The following CHRM4 variants were observed in gnomAD, a reference collection of about 807,000 sequenced individuals.
The protein encoded by CHRM4 is muscarinic acetylcholine receptor M4.
CHRM4 carries 5 observed loss-of-function variants against 26.3 expected under a neutral mutation model. The observed-to-expected ratio is 0.19, with a 90% CI of 0.10 to 0.40. The LOEUF is 0.40. CHRM4 is among the 10% of genes least tolerant of loss of function. CHRM4 has a pLI of 1.00. For synonymous variants in CHRM4, 290 were observed against 285.3 expected (o/e 1.02, Z -0.16); for missense variants, 402 against 664.5 (o/e 0.60, Z 4.34).
intron 1 of CHRM4, among the ~76,000 whole-genome samples, chr11:46,389,890 T>A (rs1174537808): frequency 6.6e-6 from 1 of 152,174 alleles, no homozygotes; most frequent in Admixed American, 6.5e-5. Flanking sequence ...CGCTAGTAGC[T>A]GTATGCATGT....
At chr11:46,389,515 T>C (rs943335324) in intron 1 of CHRM4, among the ~76,000 whole-genome samples, 4 of 152,226 alleles carry the variant, frequency 2.6e-5, no homozygotes, top group African/African-American at 9.7e-5. Context: ...GGAATCCAGA[T>C]ACGCCTGGCA....
chr11:46,391,744 C>T lies in CHRM4; in HGVS notation c.-243G>A, dbSNP rs1269296366. 6.7e-6 allele frequency among the ~76,000 whole-genome samples: 1 copy of T among 150,002 alleles called. No homozygotes were observed. The highest frequency in any genetic ancestry group is 1.5e-5 in the Non-Finnish European group (1 of 67,206). ...CGGGGACGGGGTGTCGAGGGGCGGC[C>T]CCTGCTCCGCCCGCAGCTCCCGGCG... On this transcript the variant is annotated 5_prime_UTR_variant, in exon 1 of 2. Coordinates refer to ENST00000682254, the MANE Select transcript of CHRM4 (RefSeq NM_000741.5). This position sits in a 1 kb window ranked among gnomAD's most constrained non-coding sequence, Gnocchi z 6.3.
At position 46,386,481 on chromosome 11, in the gene CHRM4, C is replaced by A; in HGVS notation, c.77G>T (p.Arg26Leu). ...VRLVTSSSHN[R>L]YETVEMVFIA... Reference sequence around the variant, plus strand: ...GAAGACCATTTCCACCGTCTCATAGCGATTGTGGGATGATGACGTGACCAG... The same window carrying A: ...GAAGACCATTTCCACCGTCTCATAGAGATTGTGGGATGATGACGTGACCAG... Residue 26 changes from arginine (R) to leucine (L), a missense_variant, in exon 2 of 2, where the codon CGC (arginine) becomes CTC (leucine). This residue lies in a region of CHRM4 where 92 missense variants were observed against 133.1 expected (regional missense o/e 0.69). Coordinates refer to ENST00000682254, the MANE Select transcript of CHRM4 (RefSeq NM_000741.5). The surrounding 1 kb of genome is among the most constrained non-coding windows in gnomAD (Gnocchi z 5.8). 6.2e-7 allele frequency: 1 copy of A among 1,613,670 alleles called. No homozygotes were observed. The highest frequency in any genetic ancestry group is 1.1e-5 in the South Asian group (1 of 91,082).
At position 46,385,700 on chromosome 11, in the gene CHRM4, G is replaced by C. The variant is rs538912435; in HGVS notation, c.858C>G (p.Pro286=). Residue 286 remains proline (P), a synonymous_variant, in exon 2 of 2, where the codon CCC becomes CCG. Transcript: ENST00000682254. The surrounding 1 kb of genome is among the most constrained non-coding windows in gnomAD (Gnocchi z 6.3). ...CATTGGAAGTGTCCTTATCAGCCAC[G>C]GGGCGCGGTGGCGGTGGCAGCGCTG... ...PPPALPPPPR[P]VADKDTSNES... is the part of the protein sequence containing the mutation. 1.2e-5 allele frequency: 18 copies of C among 1,554,328 alleles called. No individual in the cohort carries two copies. In the Admixed American group the frequency reaches 1.9e-4, roughly 17 times the overall value.
chr11:46,389,645 A>G (rs1234369631), intron 1 of CHRM4, among the ~76,000 whole-genome samples: 2 of 152,102 alleles, frequency 1.3e-5, no homozygotes, highest in African/African-American at 2.4e-5. Context: ...CCCAACTCCA[A>G]TGCGACTGCG....
rs1349341887 is a variant in CHRM4 at position 46,384,369 on chromosome 11, CTCGA to C, written c.*745_*748del. Among the ~76,000 whole-genome samples the C allele has an allele frequency of 6.6e-6, 1 of 152,226 alleles. No individual in the cohort carries two copies. The highest frequency in any genetic ancestry group is 1.5e-5 in the Non-Finnish European group (1 of 68,048). On this transcript the variant is annotated 3_prime_UTR_variant, in exon 2 of 2. Transcript: ENST00000682254. ...GCCATCCACCACAGCCTCACCCTGACTCGATGTGTGACCTGGGACAGCCTTCTAA... is the reference window on the plus strand; with the variant it reads ...GCCATCCACCACAGCCTCACCCTGACTGTGTGACCTGGGACAGCCTTCTAA...
intron 1 of CHRM4, among the ~76,000 whole-genome samples, chr11:46,387,631 A>G (rs969014466): frequency 6.6e-6 from 1 of 152,184 alleles, no homozygotes; most frequent in Non-Finnish European, 1.5e-5. Flanking sequence ...GTAACTTAAG[A>G]GCTCTGGCTG....
rs773708700 is a variant in CHRM4 at position 46,384,181 on chromosome 11, T to C, written c.*937A>G. On this transcript the variant is annotated 3_prime_UTR_variant, in exon 2 of 2. Coordinates refer to ENST00000682254, the MANE Select transcript of CHRM4 (RefSeq NM_000741.5). Reference sequence around the variant, plus strand: ...GGTTCTACCCATGGGGGAGAGCAGATGCGAGGGCTGCGTGCCTACCTCACT... The same window carrying C: ...GGTTCTACCCATGGGGGAGAGCAGACGCGAGGGCTGCGTGCCTACCTCACT... Among the ~76,000 whole-genome samples the C allele has an allele frequency of 9.8e-5, 15 of 152,330 alleles. No individual in the cohort carries two copies. Among genetic ancestry groups the C allele is most frequent in the Non-Finnish European group, 1.9e-4 (13 of 68,020 alleles).
At chr11:46,388,168 A>G (rs912591893) in intron 1 of CHRM4, among the ~76,000 whole-genome samples, 2 of 152,112 alleles carry the variant, frequency 1.3e-5, no homozygotes, top group Non-Finnish European at 1.5e-5. Flanking sequence ...ACGCGGGCCC[A>G]TCACAGCCAC....
rs865844918 is a variant in CHRM4, at chr11:46,391,130, G to C, written c.-30+401C>G. Among the ~76,000 whole-genome samples the C allele has an allele frequency of 6.6e-6, 1 of 151,838 alleles. No individual in the cohort carries two copies. Among genetic ancestry groups the C allele is most frequent in the Non-Finnish European group, 1.5e-5 (1 of 67,912 alleles). On this transcript the variant is annotated intron_variant, in intron 1 of 1. Transcript: ENST00000682254. This position sits in a 1 kb window ranked among gnomAD's most constrained non-coding sequence, Gnocchi z 6.3. ...GGGGAGGGCAGGGGTGTTTTCCGTC[G>C]GGGCTCAAGGTCGTAGATGGAGGAC...
Position 46,386,131 on chromosome 11 carries a change from G to A in CHRM4, c.427C>T (p.Arg143Trp), listed in dbSNP as rs200330011. The A allele has an allele frequency of 2.4e-5, 39 of 1,611,140 alleles. No individual in the cohort carries two copies. Among genetic ancestry groups the A allele is most frequent in the South Asian group, 7.7e-5 (7 of 90,872 alleles). ...CVTKPLTYPARRTTKMAGLMI... is the reference protein window; with the variant it reads ...CVTKPLTYPAWRTTKMAGLMI... Reference sequence around the variant, plus strand: ...AGGCCTGCCATCTTGGTGGTGCGCCGGGCAGGGTAGGTGAGAGGCTTGGTG... The same window carrying A: ...AGGCCTGCCATCTTGGTGGTGCGCCAGGCAGGGTAGGTGAGAGGCTTGGTG... Residue 143 changes from arginine (R) to tryptophan (W), a missense_variant, in exon 2 of 2, where the codon CGG becomes TGG. This residue lies in a region of CHRM4 where 48 missense variants were observed against 129.1 expected (regional missense o/e 0.37). Transcript: ENST00000682254. The surrounding 1 kb of genome is among the most constrained non-coding windows in gnomAD (Gnocchi z 5.8).
At position 46,385,500 on chromosome 11, in the gene CHRM4, C is replaced by T. The variant is rs1347939321; in HGVS notation, c.1058G>A (p.Cys353Tyr). The T allele has an allele frequency of 2.5e-6, 4 of 1,590,496 alleles. No homozygotes were observed. Among genetic ancestry groups the T allele is most frequent in the Non-Finnish European group, 3.4e-6 (4 of 1,161,726 alleles). ...AGGCACAATCTCAATGGCTGTCACA[C>T]ACTCATTGCCTGTCTGCTTCGTCAC... is the stretch of plus-strand genomic sequence containing the variant. The part of the protein sequence containing the change: ...QIVTKQTGNE[C>Y]VTAIEIVPAT... The change falls in exon 2 of 2, where the codon TGT becomes TAT. Residue 353 changes from cysteine to tyrosine, a missense_variant. Around this residue, in one of 5 missense-constraint regions of CHRM4, gnomAD observed 205 missense variants for 244.0 expected, o/e 0.84. Transcript: ENST00000682254. This position sits in a 1 kb window ranked among gnomAD's most constrained non-coding sequence, Gnocchi z 6.3.
At chr11:46,387,524 G>T (rs558381921) in intron 1 of CHRM4, among the ~76,000 whole-genome samples, 1 of 152,296 alleles carries the variant, frequency 6.6e-6, no homozygotes, top group South Asian at 2.1e-4. Context: ...ACTGAGGCAC[G>T]GAGCTGTTAA....
rs553317527 is a variant in CHRM4, at chr11:46,384,549, G to C, written c.*569C>G. Among the ~76,000 whole-genome samples, 1 of 152,114 alleles carries C rather than the reference G, an allele frequency of 6.6e-6. No individual in the cohort carries two copies. Among genetic ancestry groups the C allele is most frequent in the Non-Finnish European group, 1.5e-5 (1 of 67,980 alleles). On this transcript the variant is annotated 3_prime_UTR_variant, in exon 2 of 2. Transcript: ENST00000682254. ...GTGACAAGGGCAGTGCTGCTGGGGCGGGGGGGACCTGGCCTCCATCATACC... is the reference window on the plus strand; with the variant it reads ...GTGACAAGGGCAGTGCTGCTGGGGCCGGGGGGACCTGGCCTCCATCATACC...
chr11:46,387,455 C>T (rs1242632523), intron 1 of CHRM4, among the ~76,000 whole-genome samples: 2 of 152,164 alleles, frequency 1.3e-5, no homozygotes, highest in African/African-American at 4.8e-5. Context: ...CTCATTTCAT[C>T]CTCATAACAA....
rs1347318356 is a variant in CHRM4, at chr11:46,384,170, G to A, written c.*948C>T. 2.0e-5 allele frequency among the ~76,000 whole-genome samples: 3 copies of A among 152,220 alleles called. No homozygotes were observed. Among genetic ancestry groups the A allele is most frequent in the Non-Finnish European group, 2.9e-5 (2 of 68,040 alleles). On this transcript the variant is annotated 3_prime_UTR_variant, in exon 2 of 2. Coordinates refer to ENST00000682254, the MANE Select transcript of CHRM4 (RefSeq NM_000741.5). ...CCAATCAGGAAGGTTCTACCCATGG[G>A]GGAGAGCAGATGCGAGGGCTGCGTG...
chr11:46,386,643 T>A lies in CHRM4; in HGVS notation c.-29-57A>T, dbSNP rs201307577. 2 of 1,504,282 alleles carry A rather than the reference T, an allele frequency of 1.3e-6. No homozygotes were observed. The highest frequency in any genetic ancestry group is 2.7e-5 in the African/African-American group (2 of 72,868). The allele number at this position is 1,504,282 out of a possible 1,614,324, so 93.2% of individuals were successfully genotyped here. On this transcript the variant is annotated intron_variant, in intron 1 of 1. Coordinates refer to ENST00000682254, the MANE Select transcript of CHRM4 (RefSeq NM_000741.5). The surrounding 1 kb of genome is among the most constrained non-coding windows in gnomAD (Gnocchi z 5.8). Reference sequence around the variant, plus strand: ...TACAGGAGGGAATGGGGGAGTCATCTGGAGGTACACTGGATTCAAGGTGAC... The same window carrying A: ...TACAGGAGGGAATGGGGGAGTCATCAGGAGGTACACTGGATTCAAGGTGAC...
rs1379858963 is a variant in CHRM4, at chr11:46,383,883, G to A, written c.*1235C>T. On this transcript the variant is annotated 3_prime_UTR_variant, in exon 2 of 2. Coordinates refer to ENST00000682254, the MANE Select transcript of CHRM4 (RefSeq NM_000741.5). Reference sequence around the variant, plus strand: ...AATGTGTTTGGGAGTGGGAAGGTGGGGAGAAAGACCAGGCTGTAGGGACTG... The same window carrying A: ...AATGTGTTTGGGAGTGGGAAGGTGGAGAGAAAGACCAGGCTGTAGGGACTG... The A allele has an allele frequency of 2.3e-5, 8 of 352,890 alleles. No homozygotes were observed. In the East Asian group the frequency reaches 5.9e-4, roughly 26 times the overall value. 21.9% of individuals were successfully genotyped at this position (352,890 alleles called of 1,614,324 possible). A position where few individuals can be genotyped will look rare whatever the true frequency, so the allele number is the denominator to read the frequency against.
rs373461890 is a variant in CHRM4, at chr11:46,385,232, G to A, written c.1326C>T (p.Cys442=). Residue 442 remains cysteine (C), a synonymous_variant, in exon 2 of 2, where the codon TGC becomes TGT. Coordinates refer to ENST00000682254, the MANE Select transcript of CHRM4 (RefSeq NM_000741.5). This position sits in a 1 kb window ranked among gnomAD's most constrained non-coding sequence, Gnocchi z 6.3. ...CAGGGTTGATGGTGCTGTTGACGTA[G>A]CAGAGCCAGTAGCCAATGGACCACA... ...DTVWSIGYWL[C]YVNSTINPAC... 7.4e-6 allele frequency: 12 copies of A among 1,614,052 alleles called. No homozygotes were observed. The highest frequency in any genetic ancestry group is 5.0e-5 in the Admixed American group (3 of 60,024).
Sources: allele counts gnomAD v4.1 joint callset (sites outside exome capture counted in the v4.1 genomes callset), GRCh38; gene constraint gnomAD v4.1.1; regional missense constraint gnomAD v4.1.1; non-coding constraint Gnocchi (gnomAD v3.1); transcripts MANE v1.5; gene names NCBI Gene and HGNC (gene_info 2026-07-23, HGNC 2026-07-21).